SMAD1: variants seen among roughly 807,000 people sequenced by gnomAD.
SMAD1 encodes the protein MAD, mothers against decapentaplegic homolog 1.
A neutral mutation model predicts 41.6 loss-of-function variants in SMAD1; 6 were observed. The ratio of observed to expected loss-of-function variants is 0.14; its 90% CI spans 0.08 to 0.28. SMAD1 has a LOEUF of 0.28. SMAD1 is among the 10% of genes least tolerant of loss of function. The pLI, the probability that SMAD1 is intolerant of heterozygous loss-of-function variation, is 1.00. For synonymous variants in SMAD1, 206 were observed against 203.2 expected (o/e 1.01, Z -0.12); for missense variants, 379 against 582.6 (o/e 0.65, Z 3.60).
At chr4:145,518,580 G>T (rs1730554673) in intron 2 of SMAD1, among the ~76,000 whole-genome samples, 1 of 125,882 alleles carries the variant, frequency 7.9e-6, no homozygotes, top group African/African-American at 2.5e-5. Context: ...GTACACCTGG[G>T]TATTGTTTTT....
chr4:145,545,683 T>C (rs1283030318), intron 4 of SMAD1: 1 of 152,102 alleles, frequency 6.6e-6, no homozygotes, highest in Non-Finnish European at 1.5e-5. Context: ...CCTTAGCAGT[T>C]GTAGTCTGGG....
In SMAD1 at chr4:145,543,426, G is replaced by A. The variant is rs560734171; in HGVS notation, c.775+728G>A. Among the ~76,000 whole-genome samples, 13 of 152,218 alleles carry A rather than the reference G, an allele frequency of 8.5e-5. No individual in the cohort carries two copies. The East Asian group carries it at 9.6e-4, about 11-fold the overall frequency. On this transcript the variant is annotated intron_variant, in intron 4 of 6. Coordinates refer to ENST00000302085, the MANE Select transcript of SMAD1 (RefSeq NM_005900.3). ...ATTAGGATAGATACACATAAACCCCGTCTGTTTTTCAGCTCTTATGTATGT... is the reference window on the plus strand; with the variant it reads ...ATTAGGATAGATACACATAAACCCCATCTGTTTTTCAGCTCTTATGTATGT...
At chr4:145,550,485 CCTG>C (rs1732496025) in intron 5 of SMAD1, among the ~76,000 whole-genome samples, 2 of 151,988 alleles carry the variant, frequency 1.3e-5, no homozygotes, top group African/African-American at 4.8e-5. Context: ...TGCTCTCCAG[CCTG>C]GGTGACAGAG....
chr4:145,495,616 C>CTTTTTTTT (rs58468364), intron 1 of SMAD1, among the ~76,000 whole-genome samples: 1 of 127,068 alleles, frequency 7.9e-6, no homozygotes, highest in African/African-American at 3.0e-5. Context: ...AATTAATTTC[C>CTTTTTTTT]TTTTTTTTTT....
rs576534337 is a variant in SMAD1 at position 145,522,055 on chromosome 4, C to A, written c.400+7042C>A. Among the ~76,000 whole-genome samples the A allele has an allele frequency of 7.2e-5, 11 of 152,282 alleles. No individual in the cohort carries two copies. In the South Asian group the frequency reaches 2.3e-3, roughly 32 times the overall value. ...GGGCGTGGTGGCTCATGCCTGTAAT[C>A]CCAACACTTTGGGAGGCCAAGGCGG... On this transcript the variant is annotated intron_variant, in intron 2 of 6. Coordinates refer to ENST00000302085, the MANE Select transcript of SMAD1 (RefSeq NM_005900.3).
upstream of SMAD1, chr4:145,481,083 G>T (rs1412262223): frequency 6.6e-6 from 1 of 152,160 alleles, no homozygotes; most frequent in African/African-American, 2.4e-5. Context: ...CAATGTCTAT[G>T]CAGATCAGGT....
intron 5 of SMAD1, among the ~76,000 whole-genome samples, chr4:145,547,670 G>A (rs866885453): frequency 8.5e-5 from 13 of 152,156 alleles, no homozygotes; most frequent in African/African-American, 3.1e-4. Flanking sequence ...ATGACTAAAT[G>A]TGTGGATATT....
chr4:145,493,285 A>G (rs1728874551), intron 1 of SMAD1, among the ~76,000 whole-genome samples: 2 of 152,242 alleles, frequency 1.3e-5, no homozygotes, highest in African/African-American at 2.4e-5. Flanking sequence ...TTCATGAAAG[A>G]GAGTAATGAT....
At chr4:145,507,385 G>C (rs979748887) in intron 1 of SMAD1, among the ~76,000 whole-genome samples, 1 of 151,810 alleles carries the variant, frequency 6.6e-6, no homozygotes, top group Non-Finnish European at 1.5e-5. Context: ...TATGTTCTGC[G>C]TACAGTTTTC....
intron 5 of SMAD1, 35 bp from the exon 6 acceptor site, chr4:145,553,749 A>G: frequency 6.3e-7 from 1 of 1,593,784 alleles, no homozygotes; most frequent in Non-Finnish European, 8.6e-7. Context: ...GTAAAAATTA[A>G]TAATAACTAA....
At chr4:145,515,131 A>G in intron 2 of SMAD1, 118 bp downstream of exon 2, 1 of 849,606 alleles carries the variant, frequency 1.2e-6, no homozygotes, top group Non-Finnish European at 1.8e-6. Context: ...ATATTTGGGG[A>G]AACTGTGTGT....
chr4:145,508,417 C>T (rs1214683946), intron 1 of SMAD1, among the ~76,000 whole-genome samples: 1 of 152,064 alleles, frequency 6.6e-6, no homozygotes, highest in Non-Finnish European at 1.5e-5. Flanking sequence ...GGACAAGATA[C>T]TCAACTATTC....
chr4:145,502,941 C>T (rs1045895587), intron 1 of SMAD1: 2 of 152,214 alleles, frequency 1.3e-5, no homozygotes, highest in Admixed American at 1.3e-4. Context: ...ACTGGAGAGA[C>T]TGGAAGACTT....
At chr4:145,503,161 C>T (rs1254273343) in intron 1 of SMAD1, among the ~76,000 whole-genome samples, 1 of 152,078 alleles carries the variant, frequency 6.6e-6, no homozygotes, top group Non-Finnish European at 1.5e-5. Context: ...ATCATCAGTC[C>T]CATGTTTGGA....
chr4:145,494,547 T>G (rs973177859), intron 1 of SMAD1, among the ~76,000 whole-genome samples: 2 of 152,224 alleles, frequency 1.3e-5, no homozygotes, highest in African/African-American at 4.8e-5. Flanking sequence ...CCTAGTGCAG[T>G]GGTTCTCCCT....
rs1037778328 is a variant in SMAD1 at position 145,519,718 on chromosome 4, C to T, written c.400+4705C>T. Among the ~76,000 whole-genome samples, 17 of 152,028 alleles carry T rather than the reference C, an allele frequency of 1.1e-4. 1 individual carries two copies. The highest frequency in any genetic ancestry group is 1.1e-3 in the Admixed American group (17 of 15,264). ...TACAATGTATTATTAACTATAGTCA[C>T]CATGCTGTGCAATAGATCACCAAAA... On this transcript the variant is annotated intron_variant, in intron 2 of 6. Transcript: ENST00000302085.
intron 1 of SMAD1, among the ~76,000 whole-genome samples, chr4:145,485,491 G>A (rs1429392831): frequency 4.6e-5 from 7 of 152,168 alleles, no homozygotes; most frequent in Non-Finnish European, 7.3e-5. Flanking sequence ...ACTGGACAGC[G>A]TGTATATAGA....
chr4:145,509,224 A>G (rs1031358161), intron 1 of SMAD1, among the ~76,000 whole-genome samples: 8 of 152,102 alleles, frequency 5.3e-5, no homozygotes, highest in Admixed American at 6.5e-5. Flanking sequence ...CAGGTTAGCA[A>G]TTTGCTTTAT....
rs184383031 is a variant in SMAD1 at position 145,491,938 on chromosome 4, A to G, written c.-177+9900A>G. On this transcript the variant is annotated intron_variant, in intron 1 of 6. Coordinates refer to ENST00000302085, the MANE Select transcript of SMAD1 (RefSeq NM_005900.3). ...ATGGTCTTGGAGTATAGTTTTGATTATTGAGATGGACGAGTTTATGAGGTA... is the reference window on the plus strand; with the variant it reads ...ATGGTCTTGGAGTATAGTTTTGATTGTTGAGATGGACGAGTTTATGAGGTA... Among the ~76,000 whole-genome samples, 435 of 152,312 alleles carry G rather than the reference A, an allele frequency of 2.9e-3. 1 individual carries two copies. The highest frequency in any genetic ancestry group is 9.9e-3 in the African/African-American group (413 of 41,572).
Sources: allele counts gnomAD v4.1 joint callset (sites outside exome capture counted in the v4.1 genomes callset), GRCh38; gene constraint gnomAD v4.1.1; transcripts MANE v1.5; gene names NCBI Gene and HGNC (gene_info 2026-07-23, HGNC 2026-07-21).